The following DMD variants were observed in gnomAD, a reference collection of about 807,000 sequenced individuals.
The protein encoded by DMD is mutant dystrophin.
In DMD, 63 loss-of-function variants were observed where a neutral mutation model predicts 330.1. The observed-to-expected ratio is 0.19, with a 90% CI of 0.16 to 0.24. DMD has a LOEUF of 0.24. Among genes scored for constraint, DMD ranks in the 10% least tolerant of loss-of-function variants. DMD has a pLI of 1.00. For synonymous variants in DMD, 1,223 were observed against 959.8 expected, an observed-to-expected ratio of 1.27 and a Z score of -5.07; for missense variants, 3,344 against 2,684.1, an observed-to-expected ratio of 1.25 and a Z score of -5.43.
intron 44 of DMD, among the ~76,000 whole-genome samples, chrX:32,000,618 A>G (rs1483538187): frequency 9.0e-6 from 1 of 111,606 alleles, no homozygotes; most frequent in Non-Finnish European, 1.9e-5. Flanking sequence ...TTCTTTTCAC[A>G]TAACACCAGT....
chrX:32,429,789 C>T (rs2098230664), intron 29 of DMD, among the ~76,000 whole-genome samples: 1 of 109,464 alleles, frequency 9.1e-6, no homozygotes, highest in Non-Finnish European at 1.9e-5. Flanking sequence ...CTGTAACTCC[C>T]CTCCATATTG....
Position 32,644,244 on chromosome X carries a change from T to C in DMD, c.1219A>G (p.Ile407Val), listed in dbSNP as rs1463021278. Reference sequence around the variant, plus strand: ...TCTTCTGATAATTTTCCTGTTCCAATCAGCTTACTTCCCAATTGTAGAATA... The same window carrying C: ...TCTTCTGATAATTTTCCTGTTCCAACCAGCTTACTTCCCAATTGTAGAATA... The part of the protein sequence containing the change: ...GNILQLGSKL[I>V]GTGKLSEDEE... The change falls in exon 11 of 79, where the codon ATT (isoleucine) becomes GTT (valine). Residue 407 changes from isoleucine to valine, a missense_variant. Ile to Val is a conservative substitution (Grantham distance 29, BLOSUM62 3). Coordinates refer to ENST00000357033, the MANE Select transcript of DMD (RefSeq NM_004006.3). The C allele has an allele frequency of 3.3e-6, 4 of 1,211,114 alleles. No homozygotes were observed. The highest frequency in any genetic ancestry group is 5.9e-5 in the East Asian group (2 of 33,822).
chrX:32,683,511 G>A (rs2062593372), intron 9 of DMD, among the ~76,000 whole-genome samples: 2 of 108,060 alleles, frequency 1.9e-5, no homozygotes, highest in Admixed American at 1.0e-4. Flanking sequence ...GATGAAGCTG[G>A]AAACCATCAT....
chrX:31,883,603 C>T (rs1411204587), intron 47 of DMD, among the ~76,000 whole-genome samples: 3 of 111,137 alleles, frequency 2.7e-5, no homozygotes, highest in Non-Finnish European at 5.7e-5. Flanking sequence ...AGACCTATGA[C>T]AAGAATGTTC....
chrX:33,021,082 C>G (rs2093905604), intron 1 of DMD, among the ~76,000 whole-genome samples: 2 of 111,219 alleles, frequency 1.8e-5, no homozygotes, highest in South Asian at 3.8e-4. Flanking sequence ...AGGGGAGATT[C>G]TACAACTCTA....
intron 21 of DMD, among the ~76,000 whole-genome samples, chrX:32,477,770 A>T (rs1324919840): frequency 9.0e-6 from 1 of 111,102 alleles, no homozygotes; most frequent in East Asian, 2.8e-4. Context: ...AACTACTCAG[A>T]AAATAGGCAC....
At chrX:31,809,502 T>C (rs961859228) in intron 50 of DMD, among the ~76,000 whole-genome samples, 3 of 108,811 alleles carry the variant, frequency 2.8e-5, no homozygotes, top group African/African-American at 6.6e-5. Flanking sequence ...GTATAGTTAG[T>C]GCTGCTAGCA....
chrX:33,139,154 G>A (rs1235948363), intron 1 of DMD, among the ~76,000 whole-genome samples: 1 of 110,775 alleles, frequency 9.0e-6, no homozygotes. Context: ...ACAAAAATGA[G>A]CCAGATGTGG....
At chrX:31,778,564 A>AT (rs1169948478) in intron 50 of DMD, among the ~76,000 whole-genome samples, 1 of 67,873 alleles carries the variant, frequency 1.5e-5, no homozygotes, top group Non-Finnish European at 2.7e-5. Context: ...GAAGTCCTGA[A>AT]ATTTTTTTTT....
intron 74 of DMD, among the ~76,000 whole-genome samples, chrX:31,158,208 G>T (rs372760017): frequency 8.9e-6 from 1 of 111,749 alleles, no homozygotes; most frequent in South Asian, 3.8e-4. Flanking sequence ...TGTCCATCAA[G>T]TAATGAATAG....
chrX:31,173,564 A>G lies in DMD; in HGVS notation c.10303T>C (p.Ser3435Pro). ...SPQLSHDDTHSRIEHYASRLA... is the reference protein window; with the variant it reads ...SPQLSHDDTHPRIEHYASRLA... Reference sequence around the variant, plus strand: ...CTGCTAGCATAATGTTCAATGCGTGAATGAGTATCATCGTGTGAAAGCTGA... The same window carrying G: ...CTGCTAGCATAATGTTCAATGCGTGGATGAGTATCATCGTGTGAAAGCTGA... Residue 3435 changes from serine to proline, a missense_variant, in exon 72 of 79, where the codon TCA (serine) becomes CCA (proline). By Grantham distance (74) the Ser-to-Pro change is moderately conservative. Coordinates refer to ENST00000357033, the MANE Select transcript of DMD (RefSeq NM_004006.3). 1 of 1,210,555 alleles carries G rather than the reference A, an allele frequency of 8.3e-7. No individual in the cohort carries two copies. The highest frequency in any genetic ancestry group is 1.1e-6 in the Non-Finnish European group (1 of 894,467).
intron 25 of DMD, among the ~76,000 whole-genome samples, chrX:32,460,415 C>T (rs1219540240): frequency 9.1e-6 from 1 of 109,773 alleles, no homozygotes; most frequent in Admixed American, 9.7e-5. Context: ...CACTTCAGCC[C>T]TTTTGATTTA....
intron 1 of DMD, among the ~76,000 whole-genome samples, chrX:33,020,524 A>C (rs1413421714): frequency 9.0e-6 from 1 of 111,481 alleles, no homozygotes; most frequent in Non-Finnish European, 1.9e-5. Flanking sequence ...AAATACAAAA[A>C]TTAGCCAGGC....
intron 30 of DMD, among the ~76,000 whole-genome samples, chrX:32,396,366 T>G (rs1338346316): frequency 8.9e-6 from 1 of 111,780 alleles, no homozygotes; most frequent in East Asian, 2.8e-4. Context: ...AAAGTGAGAC[T>G]TTTATCATAA....
At chrX:32,645,476 T>C (rs2059723930) in intron 9 of DMD, among the ~76,000 whole-genome samples, 1 of 112,293 alleles carries the variant, frequency 8.9e-6, no homozygotes, top group South Asian at 3.6e-4. Flanking sequence ...ACTTTCCTCA[T>C]TTCTTATTTA....
chrX:32,684,017 A>G, intron 9 of DMD, among the ~76,000 whole-genome samples: 1 of 77,943 alleles, frequency 1.3e-5, no homozygotes, highest in East Asian at 3.3e-4. Context: ...ACACACATAC[A>G]TACACACACA....
At chrX:32,560,718 C>T (rs965389921) in intron 16 of DMD, among the ~76,000 whole-genome samples, 1 of 111,727 alleles carries the variant, frequency 9.0e-6, no homozygotes, top group Admixed American at 9.6e-5. Flanking sequence ...CATTAGTTTG[C>T]TGAGAATAAC....
Position 32,387,126 on chromosome X carries a change from T to A in DMD, c.4519-661A>T, listed in dbSNP as rs200375895. Reference sequence around the variant, plus strand: ...CAGATATAAAAATATTATTGACAATTCACATGTACATCACAAATATAAAGC... The same window carrying A: ...CAGATATAAAAATATTATTGACAATACACATGTACATCACAAATATAAAGC... On this transcript the variant is annotated intron_variant, in intron 32 of 78. Coordinates refer to ENST00000357033, the MANE Select transcript of DMD (RefSeq NM_004006.3). 2.7e-5 allele frequency among the ~76,000 whole-genome samples: 3 copies of A among 111,034 alleles called. No individual in the cohort carries two copies. The East Asian group carries it at 8.4e-4, about 31-fold the overall frequency.
At chrX:32,582,812 T>C in intron 13 of DMD, among the ~76,000 whole-genome samples, 1 of 112,054 alleles carries the variant, frequency 8.9e-6, no homozygotes, top group Admixed American at 9.5e-5. Context: ...TTAGGGAAAC[T>C]TGCAACCAAA....
Sources: gnomAD v4.1 joint callset for allele counts (sites outside exome capture counted in the v4.1 genomes callset) on GRCh38, gnomAD v4.1.1 for gene constraint, MANE v1.5 for transcripts, NCBI Gene and HGNC (gene_info 2026-07-23, HGNC 2026-07-21) for gene names.